Variants in RABGAP1L observed in about 807,000 individuals in gnomAD.
RABGAP1L encodes the protein rab GTPase-activating protein 1-like.
Under a neutral mutation model 137.7 loss-of-function variants are expected in RABGAP1L, and 63 were observed. That is an observed-to-expected ratio of 0.46 (90% CI 0.37 to 0.56). The LOEUF is 0.56. Among genes scored for constraint, RABGAP1L ranks in the 20% least tolerant of loss-of-function variants. The probability of loss-of-function intolerance (pLI) is 0.00; values close to 1 mark genes in which losing one functional copy is unlikely to be tolerated. For missense variants in RABGAP1L, 1,095 were observed against 1,244.0 expected, an observed-to-expected ratio of 0.88 and a Z score of 1.80; for synonymous variants, 431 against 433.7, an observed-to-expected ratio of 0.99 and a Z score of 0.08.
intron 18 of RABGAP1L, among the ~76,000 whole-genome samples, chr1:174,785,510 A>C (rs748408806): frequency 6.6e-6 from 1 of 152,242 alleles, no homozygotes; most frequent in Non-Finnish European, 1.5e-5. Context: ...TGGTTAGGCA[A>C]TTTTAGAGTA....
chr1:174,495,260 A>C lies in RABGAP1L; in HGVS notation c.1710+101115A>C, dbSNP rs1368043065. Among the ~76,000 whole-genome samples the C allele has an allele frequency of 3.3e-5, 5 of 152,288 alleles. No homozygotes were observed. The East Asian group carries it at 9.7e-4, about 29-fold the overall frequency. On this transcript the variant is annotated intron_variant, in intron 13 of 25. Coordinates refer to ENST00000681986, the MANE Select transcript of RABGAP1L (RefSeq NM_001366446.1). ...CAAATTCATGGAGTGAAAGTCAGAG[A>C]GTGAAATTTAGCTTAGTTTCTATGG...
rs145782575 is a variant in RABGAP1L, at chr1:174,856,507, A to G, written c.2340+44547A>G. On this transcript the variant is annotated intron_variant, in intron 19 of 25. Transcript: ENST00000681986. ...AAATATTCTCAGATTAGACTAACCA[A>G]TTACACATTGGAATACCTGGACAGT... is the stretch of plus-strand genomic sequence containing the variant. Among the ~76,000 whole-genome samples the G allele has an allele frequency of 1.4e-4, 21 of 152,296 alleles. No homozygotes were observed. The East Asian group carries it at 3.7e-3, about 27-fold the overall frequency.
intron 18 of RABGAP1L, among the ~76,000 whole-genome samples, chr1:174,770,750 C>T (rs574473279): frequency 1.5e-4 from 23 of 152,260 alleles, no homozygotes; most frequent in African/African-American, 5.1e-4. Flanking sequence ...TCTGTTCTGC[C>T]CCCATTCCAA....
chr1:174,356,325 C>G (rs1683636421), intron 11 of RABGAP1L, among the ~76,000 whole-genome samples: 1 of 151,922 alleles, frequency 6.6e-6, no homozygotes, highest in South Asian at 2.1e-4. Context: ...AGAAAAATCT[C>G]TGAATACCTT....
At chr1:174,770,703 T>C (rs1462209354) in intron 18 of RABGAP1L, among the ~76,000 whole-genome samples, 1 of 152,220 alleles carries the variant, frequency 6.6e-6, no homozygotes, top group Non-Finnish European at 1.5e-5. Flanking sequence ...CTCTCTGTCT[T>C]CATCCTCTTC....
intron 10 of RABGAP1L, among the ~76,000 whole-genome samples, chr1:174,301,005 G>T (rs1265528503): frequency 2.0e-5 from 3 of 152,116 alleles, no homozygotes; most frequent in Non-Finnish European, 4.4e-5. Flanking sequence ...GGGTTTTGCT[G>T]GGCCTGGGTT....
chr1:174,278,780 G>A lies in RABGAP1L; in HGVS notation c.1323+1G>A, dbSNP rs1675231815. ...GACTTTCTTCATGAGATTGAAACAG[G>A]TAGGACCTTTTTGTTCTCTTCATAT... On this transcript the variant is annotated splice_donor_variant, in intron 10 of 25. Coordinates refer to ENST00000681986, the MANE Select transcript of RABGAP1L (RefSeq NM_001366446.1). LOFTEE classifies it high-confidence loss of function. 6.5e-7 allele frequency: 1 copy of A among 1,531,184 alleles called. No homozygotes were observed. Among genetic ancestry groups the A allele is most frequent in the Non-Finnish European group, 8.7e-7 (1 of 1,146,270 alleles). 94.8% of individuals were successfully genotyped at this position (1,531,184 alleles called of 1,614,324 possible).
chr1:174,571,810 C>T (rs533409075), intron 13 of RABGAP1L, among the ~76,000 whole-genome samples: 3 of 152,154 alleles, frequency 2.0e-5, no homozygotes, highest in Non-Finnish European at 4.4e-5. Context: ...ATGTAGTTTC[C>T]GTGCTGGGAA....
intron 20 of RABGAP1L, among the ~76,000 whole-genome samples, chr1:174,962,107 G>A (rs1462555774): frequency 5.3e-5 from 8 of 151,818 alleles, no homozygotes; most frequent in South Asian, 2.1e-4. Context: ...CCCAAGAGGC[G>A]GAGTTTACAG....
intron 10 of RABGAP1L, among the ~76,000 whole-genome samples, chr1:174,295,096 T>A (rs1676994923): frequency 6.6e-6 from 1 of 151,776 alleles, no homozygotes; most frequent in Non-Finnish European, 1.5e-5. Context: ...TTTTTGTATT[T>A]TTAGTAGAGA....
chr1:174,651,846 A>G (rs886106135), intron 14 of RABGAP1L, among the ~76,000 whole-genome samples: 11 of 152,096 alleles, frequency 7.2e-5, no homozygotes, highest in Non-Finnish European at 2.9e-5. Context: ...TTTAAAGTTA[A>G]TATTGTTATG....
intron 1 of RABGAP1L, among the ~76,000 whole-genome samples, chr1:174,197,123 G>C (rs1296253294): frequency 1.3e-5 from 2 of 152,170 alleles, no homozygotes; most frequent in Non-Finnish European, 2.9e-5. Context: ...GCCAGGCACT[G>C]TGCCCAGTGC....
chr1:174,957,728 T>A, intron 20 of RABGAP1L, 179 bp downstream of exon 20: 3 of 801,050 alleles, frequency 3.7e-6, no homozygotes, highest in Non-Finnish European at 4.0e-6. Context: ...AGTACCTTTT[T>A]TTTTTTTTTT....
chr1:174,632,289 G>T (rs1000891361), intron 13 of RABGAP1L, among the ~76,000 whole-genome samples: 1 of 148,406 alleles, frequency 6.7e-6, no homozygotes, highest in Non-Finnish European at 1.5e-5. Context: ...GCTTCCCTTT[G>T]AGGGTAACCC....
At position 174,381,951 on chromosome 1, in the gene RABGAP1L, C is replaced by T. The variant is rs199829322; in HGVS notation, c.1559+10879C>T. ...ACCGGTTGTTCCTTTCCATGTTTAG[C>T]GCTTCCTTCAGGAGCTCTTTTAGGG... On this transcript the variant is annotated intron_variant, in intron 12 of 25. Transcript: ENST00000681986. Among the ~76,000 whole-genome samples, 22 of 26,784 alleles carry T rather than the reference C, an allele frequency of 8.2e-4. No homozygotes were observed. The East Asian group carries it at 0.018, about 22-fold the overall frequency. 17.6% of individuals were successfully genotyped at this position (26,784 alleles called of 152,430 possible).
chr1:174,407,736 C>T (rs1333745727), intron 13 of RABGAP1L, among the ~76,000 whole-genome samples: 4 of 152,114 alleles, frequency 2.6e-5, no homozygotes, highest in Non-Finnish European at 5.9e-5. Context: ...TCAGCTTTTT[C>T]TTGTAATGTG....
chr1:174,770,615 T>C (rs1304254539), intron 18 of RABGAP1L, among the ~76,000 whole-genome samples: 1 of 152,152 alleles, frequency 6.6e-6, no homozygotes, highest in East Asian at 1.9e-4. Context: ...AACAAAAAAA[T>C]CCAGTTTCCT....
chr1:174,349,045 G>GC (rs969509368), intron 11 of RABGAP1L, among the ~76,000 whole-genome samples: 1 of 24,690 alleles, frequency 4.1e-5, no homozygotes, highest in African/African-American at 1.6e-4. Flanking sequence ...CTGGCCGGGC[G>GC]GGGGGGGGGC....
At chr1:174,369,443 C>A (rs948008572) in intron 11 of RABGAP1L, among the ~76,000 whole-genome samples, 1 of 152,172 alleles carries the variant, frequency 6.6e-6, no homozygotes, top group Non-Finnish European at 1.5e-5. Context: ...CTTGGCCTCC[C>A]AAAGTGCTGG....
Sources: gnomAD v4.1 joint callset for allele counts (sites outside exome capture counted in the v4.1 genomes callset) on GRCh38, gnomAD v4.1.1 for gene constraint, MANE v1.5 for transcripts, NCBI Gene and HGNC (gene_info 2026-07-23, HGNC 2026-07-21) for gene names.